Variants in SUMF1 observed in about 807,000 individuals in gnomAD.
SUMF1 encodes the protein formylglycine-generating enzyme.
SUMF1 carries 48 observed loss-of-function variants against 47.6 expected under a neutral mutation model. The observed-to-expected ratio is 1.01, with a 90% CI of 0.80 to 1.28. The LOEUF is 1.28. SUMF1 is among the 50% of genes most tolerant of loss of function. The pLI, the probability that SUMF1 is intolerant of heterozygous loss-of-function variation, is 0.00. For missense variants in SUMF1, 571 were observed against 485.4 expected, an observed-to-expected ratio of 1.18 and a Z score of -1.66; for synonymous variants, 230 against 192.1, an observed-to-expected ratio of 1.20 and a Z score of -1.63.
intron 5 of SUMF1, 63 bp downstream of exon 5, chr3:4,417,947 T>C (rs192560735): frequency 8.1e-6 from 13 of 1,612,470 alleles, no homozygotes; most frequent in African/African-American, 1.3e-5. Flanking sequence ...TGGAGTTTTT[T>C]GTTGTTGTTT....
At chr3:4,159,009 C>A (rs928547119) in intron 8 of SUMF1, among the ~76,000 whole-genome samples, 2 of 151,466 alleles carry the variant, frequency 1.3e-5, no homozygotes, top group Admixed American at 1.3e-4. Context: ...ATTGTACTGT[C>A]TGTGTCTTGA....
chr3:4,333,197 G>A (rs1318219840), intron 8 of SUMF1, among the ~76,000 whole-genome samples: 1 of 152,230 alleles, frequency 6.6e-6, no homozygotes, highest in African/African-American at 2.4e-5. Context: ...TTGCAGAAAG[G>A]CAGAGGGTCC....
chr3:4,276,693 A>G (rs1053257740), intron 8 of SUMF1, among the ~76,000 whole-genome samples: 1 of 152,162 alleles, frequency 6.6e-6, no homozygotes, highest in Non-Finnish European at 1.5e-5. Context: ...GTTCTTGGGA[A>G]CAACAAGCTA....
At chr3:4,265,144 A>G (rs914220365) in intron 8 of SUMF1, among the ~76,000 whole-genome samples, 69 of 151,430 alleles carry the variant, frequency 4.6e-4, no homozygotes, top group Non-Finnish European at 7.8e-4. Context: ...CTCAAAAAAA[A>G]AAAAAAAAAA....
Position 4,059,866 on chromosome 3 carries a change from G to A in SUMF1, c.1191+8703C>T, listed in dbSNP as rs527624816. ...AGAGGTGACCAGGGCAAGACAAGGG[G>A]TGATGTGCTGGATAAGGAGAATAAA... On this transcript the variant is annotated intron_variant and NMD_transcript_variant, in intron 9 of 12. Coordinates refer to the SUMF1 transcript ENST00000448413. 2.0e-5 allele frequency among the ~76,000 whole-genome samples: 3 copies of A among 151,888 alleles called. No individual in the cohort carries two copies. The East Asian group carries it at 5.8e-4, about 29-fold the overall frequency.
intron 8 of SUMF1, among the ~76,000 whole-genome samples, chr3:4,098,366 A>G (rs965636837): frequency 3.3e-5 from 5 of 152,190 alleles, no homozygotes; most frequent in African/African-American, 9.7e-5. Flanking sequence ...GGCTACAGAC[A>G]CATAGGGACA....
chr3:4,281,852 T>C (rs1697536927), intron 8 of SUMF1, among the ~76,000 whole-genome samples: 2 of 152,254 alleles, frequency 1.3e-5, no homozygotes, highest in African/African-American at 4.8e-5. Context: ...CCTTAACACA[T>C]ATTTTTATAT....
At chr3:4,244,392 G>A (rs576928948) in intron 8 of SUMF1, among the ~76,000 whole-genome samples, 3 of 152,188 alleles carry the variant, frequency 2.0e-5, no homozygotes, top group Non-Finnish European at 4.4e-5. Context: ...GCAGTGGCTG[G>A]TATCAGTTGT....
chr3:4,045,282 C>T (rs1694984294), intron 9 of SUMF1, among the ~76,000 whole-genome samples: 1 of 151,806 alleles, frequency 6.6e-6, no homozygotes, highest in Non-Finnish European at 1.5e-5. Context: ...GGAGTTCTAG[C>T]CTCCCCCTCC....
chr3:4,377,654 A>G (rs1700371635), intron 7 of SUMF1, among the ~76,000 whole-genome samples: 1 of 152,252 alleles, frequency 6.6e-6, no homozygotes, highest in African/African-American at 2.4e-5. Context: ...GGCTTCAGAT[A>G]AAAGTTCAAA....
At chr3:4,141,459 G>C (rs1364061116) in intron 8 of SUMF1, among the ~76,000 whole-genome samples, 1 of 152,080 alleles carries the variant, frequency 6.6e-6, no homozygotes. Context: ...TGGCCTCCCA[G>C]GAAAGGAAGA....
chr3:4,414,352 A>G (rs1435346179), intron 6 of SUMF1, among the ~76,000 whole-genome samples: 2 of 152,200 alleles, frequency 1.3e-5, no homozygotes, highest in Admixed American at 6.5e-5. Context: ...ATGAGACCTG[A>G]AATAATAAAT....
rs1320076859 is a variant in SUMF1, at chr3:4,313,159, C to T, written c.1014+63171G>A. 2.5e-6 allele frequency: 4 copies of T among 1,614,022 alleles called. No homozygotes were observed. The Admixed American group carries it at 5.0e-5, about 20-fold the overall frequency. On this transcript the variant is annotated intron_variant and NMD_transcript_variant, in intron 8 of 12. Transcript: ENST00000448413. ...AGTGGTCCAGAAAGGTCTACAGTTC[C>T]ACTTCCAAGTGTTCAAGACGCATAA...
intron 8 of SUMF1, among the ~76,000 whole-genome samples, chr3:4,285,406 T>C (rs561424971): frequency 3.9e-5 from 6 of 152,208 alleles, no homozygotes; most frequent in African/African-American, 1.4e-4. Context: ...CATAAAAAGC[T>C]ACAGGTGATT....
chr3:4,457,082 GTA>G (rs912919625), intron 1 of SUMF1, among the ~76,000 whole-genome samples: 1 of 120,488 alleles, frequency 8.3e-6, no homozygotes. Flanking sequence ...ATACGTGTGT[GTA>G]TATATATATA....
At chr3:4,327,860 T>C (rs1176803801) in intron 8 of SUMF1, among the ~76,000 whole-genome samples, 1 of 152,214 alleles carries the variant, frequency 6.6e-6, no homozygotes, top group Non-Finnish European at 1.5e-5. Flanking sequence ...TATCACAAAA[T>C]AGGTACACAG....
chr3:4,066,719 C>T (rs994442257), intron 9 of SUMF1, among the ~76,000 whole-genome samples: 5 of 152,124 alleles, frequency 3.3e-5, no homozygotes, highest in African/African-American at 9.7e-5. Context: ...TCTTCCCGGC[C>T]GATGTCACCT....
chr3:4,277,172 G>C (rs1445763905), intron 8 of SUMF1, among the ~76,000 whole-genome samples: 3 of 152,016 alleles, frequency 2.0e-5, no homozygotes, highest in Non-Finnish European at 4.4e-5. Flanking sequence ...TTTTTATCAA[G>C]TTCATCAGGT....
intron 8 of SUMF1, among the ~76,000 whole-genome samples, chr3:4,202,027 T>C (rs1010232622): frequency 2.0e-5 from 3 of 152,034 alleles, no homozygotes; most frequent in Non-Finnish European, 4.4e-5. Context: ...ATGGATAGTT[T>C]GCAAATATAC....
Sources: gnomAD v4.1 joint callset for allele counts (sites outside exome capture counted in the v4.1 genomes callset) on GRCh38, gnomAD v4.1.1 for gene constraint, MANE v1.5 for transcripts, NCBI Gene and HGNC (gene_info 2026-07-23, HGNC 2026-07-21) for gene names.